Variants in KCNK2 observed in about 807,000 individuals in gnomAD.
KCNK2 encodes potassium two pore domain channel subfamily K member 2.
In KCNK2, 21 loss-of-function variants were observed where a neutral mutation model predicts 40.5. The ratio of observed to expected loss-of-function variants is 0.52; its 90% confidence interval spans 0.37 to 0.75. The LOEUF (loss-of-function observed/expected upper bound fraction) is 0.75. Among genes scored for constraint, KCNK2 ranks in the 30% least tolerant of loss-of-function variants. The probability of loss-of-function intolerance (pLI) is 0.00; values close to 1 mark genes in which losing one functional copy is unlikely to be tolerated. For missense variants in KCNK2, 399 were observed against 531.6 expected (o/e 0.75, Z 2.45); for synonymous variants, 191 against 202.2 (o/e 0.94, Z 0.47).
intron 1 of KCNK2, among the ~76,000 whole-genome samples, chr1:215,046,685 T>C (rs1335704841): frequency 6.6e-6 from 1 of 152,102 alleles, no homozygotes. Context: ...CTTCCTCTTA[T>C]GTAAAATTTA....
rs781729923 is a variant in KCNK2, at chr1:215,029,401, A to T, written c.34+23446A>T. ...TATAATCTATTTGGATTTTTTTTTC[A>T]CTTAGTGGTATTAATTTAAGTGTCA... On this transcript the variant is annotated intron_variant, in intron 1 of 6. Transcript: ENST00000391895. 1.8e-4 allele frequency among the ~76,000 whole-genome samples: 26 copies of T among 141,688 alleles called. 1 individual carries two copies. The highest frequency in any genetic ancestry group is 1.4e-4 in the Non-Finnish European group (9 of 64,416). The allele number at this position is 141,688 out of a possible 152,430, so 93.0% of individuals were successfully genotyped here. A position where few individuals can be genotyped will look rare whatever the true frequency, so the allele number is the denominator to read the frequency against.
chr1:215,079,607 C>G (rs760217262), upstream of KCNK2, among the ~76,000 whole-genome samples: 2 of 152,204 alleles, frequency 1.3e-5, no homozygotes, highest in Admixed American at 6.5e-5. Context: ...TCACCTCCCA[C>G]CAGGGCAATC....
In KCNK2 at chr1:215,083,220, A is replaced by AC; in HGVS notation, c.-166_-165insC. The AC allele has an allele frequency of 7.9e-6, 4 of 505,138 alleles. No individual in the cohort carries two copies. The highest frequency in any genetic ancestry group is 2.9e-5 in the South Asian group (1 of 34,828). The allele number at this position is 505,138 out of a possible 1,614,324, so 31.3% of individuals were successfully genotyped here. On this transcript the variant is annotated 5_prime_UTR_variant, in exon 1 of 7. Coordinates refer to ENST00000444842, the MANE Select transcript of KCNK2 (RefSeq NM_001017425.3). ...CCCCCCCCCGCCCCCTCCCGCGTCCAGCCCCGCTCTCCCCACCTTGTAAAA... is the reference window on the plus strand; with the variant it reads ...CCCCCCCCCGCCCCCTCCCGCGTCCACGCCCCGCTCTCCCCACCTTGTAAAA...
intron 1 of KCNK2, among the ~76,000 whole-genome samples, chr1:215,015,511 C>T (rs1656556187): frequency 6.6e-6 from 1 of 152,048 alleles, no homozygotes; most frequent in Non-Finnish European, 1.5e-5. Flanking sequence ...ACTCTTTATC[C>T]ATTCATGACC....
intron 3 of KCNK2, among the ~76,000 whole-genome samples, chr1:215,153,184 T>C (rs552102344): frequency 3.9e-5 from 6 of 152,312 alleles, no homozygotes; most frequent in Non-Finnish European, 5.9e-5. Context: ...GGTGAACTTG[T>C]TTGTAAAAGT....
At chr1:215,103,927 G>A (rs1660325935) in intron 2 of KCNK2, among the ~76,000 whole-genome samples, 1 of 151,932 alleles carries the variant, frequency 6.6e-6, no homozygotes, top group African/African-American at 2.4e-5. Context: ...GGAACCTACT[G>A]AGATTCCTTT....
chr1:215,146,755 T>C (rs1662434244), intron 3 of KCNK2, among the ~76,000 whole-genome samples: 1 of 152,224 alleles, frequency 6.6e-6, no homozygotes, highest in African/African-American at 2.4e-5. Flanking sequence ...GAATTAATAG[T>C]TTAAATCTCA....
chr1:215,227,153 T>G (rs990691766), intron 6 of KCNK2, among the ~76,000 whole-genome samples: 1 of 152,220 alleles, frequency 6.6e-6, no homozygotes, highest in Non-Finnish European at 1.5e-5. Flanking sequence ...GAATACTGAA[T>G]AGAATATGGT....
At chr1:215,116,214 C>T (rs1012960708) in intron 2 of KCNK2, among the ~76,000 whole-genome samples, 1 of 151,808 alleles carries the variant, frequency 6.6e-6, no homozygotes, top group Non-Finnish European at 1.5e-5. Flanking sequence ...CTACAAAATG[C>T]CTTGGAATAT....
At chr1:215,059,129 GTA>G (rs1387745178) in intron 1 of KCNK2, among the ~76,000 whole-genome samples, 4 of 130,978 alleles carry the variant, frequency 3.1e-5, no homozygotes, top group South Asian at 3.8e-4. Context: ...ATATATTCGT[GTA>G]TATATATACA....
chr1:215,210,174 C>CAT (rs1278345527), intron 6 of KCNK2, among the ~76,000 whole-genome samples: 40 of 147,832 alleles, frequency 2.7e-4, no homozygotes, highest in Admixed American at 2.6e-3. Context: ...TGTGTATGTA[C>CAT]ATATATGTGT....
At chr1:215,047,051 A>G (rs1478972202) in intron 1 of KCNK2, among the ~76,000 whole-genome samples, 2 of 152,144 alleles carry the variant, frequency 1.3e-5, no homozygotes, top group Admixed American at 6.5e-5. Flanking sequence ...GAAAATCATT[A>G]AGAATGTGGC....
At chr1:215,053,418 T>G (rs1309686098) in intron 1 of KCNK2, among the ~76,000 whole-genome samples, 2 of 152,192 alleles carry the variant, frequency 1.3e-5, no homozygotes, top group Non-Finnish European at 2.9e-5. Flanking sequence ...TTGGGAACTT[T>G]GTTGACTAAG....
rs565553583 is a variant in KCNK2 at position 215,214,410 on chromosome 1, G to A, written c.963+19318G>A. Among the ~76,000 whole-genome samples, 3 of 152,182 alleles carry A rather than the reference G, an allele frequency of 2.0e-5. No individual in the cohort carries two copies. In the South Asian group the frequency reaches 6.2e-4, roughly 32 times the overall value. On this transcript the variant is annotated intron_variant, in intron 6 of 6. Transcript: ENST00000444842. Reference sequence around the variant, plus strand: ...CCCACCAGGTCCCACCACCAACACTGGAAATTACAATTTGACATGAGATTT... The same window carrying A: ...CCCACCAGGTCCCACCACCAACACTAGAAATTACAATTTGACATGAGATTT...
chr1:215,225,453 T>C (rs1376151341), intron 6 of KCNK2, among the ~76,000 whole-genome samples: 1 of 152,232 alleles, frequency 6.6e-6, no homozygotes, highest in Non-Finnish European at 1.5e-5. Flanking sequence ...AATTATTGAC[T>C]TTTATCAAAG....
chr1:215,015,357 T>C (rs777177977), intron 1 of KCNK2, among the ~76,000 whole-genome samples: 1 of 152,124 alleles, frequency 6.6e-6, no homozygotes, highest in African/African-American at 2.4e-5. Flanking sequence ...TATGGAGTGA[T>C]TTTTGGTAAC....
chr1:215,145,721 G>C (rs576676257), intron 3 of KCNK2, among the ~76,000 whole-genome samples: 2 of 152,214 alleles, frequency 1.3e-5, no homozygotes, highest in South Asian at 4.1e-4. Context: ...AATTATATTG[G>C]AAAAGTCTTT....
chr1:215,067,027 G>C (rs188981995), intron 1 of KCNK2, among the ~76,000 whole-genome samples: 36 of 152,244 alleles, frequency 2.4e-4, no homozygotes, highest in East Asian at 9.7e-4. Flanking sequence ...CCAACTCCAG[G>C]AGAGTGGTTA....
chr1:215,060,120 C>T (rs540914201), intron 1 of KCNK2, among the ~76,000 whole-genome samples: 1 of 152,190 alleles, frequency 6.6e-6, no homozygotes, highest in Non-Finnish European at 1.5e-5. Context: ...TGAGAGCCAA[C>T]AGGCCTGCCC....
Sources: allele counts gnomAD v4.1 joint callset (sites outside exome capture counted in the v4.1 genomes callset), GRCh38; gene constraint gnomAD v4.1.1; transcripts MANE v1.5; gene names NCBI Gene and HGNC (gene_info 2026-07-23, HGNC 2026-07-21).